Variants in ASTN2 observed in about 807,000 individuals in gnomAD.
ASTN2 encodes astrotactin-2.
A neutral mutation model predicts 139.8 loss-of-function variants in ASTN2; 54 were observed. That is an observed-to-expected ratio of 0.39 (90% confidence interval 0.31 to 0.48). The LOEUF (loss-of-function observed/expected upper bound fraction) is 0.48, where lower values mean the gene tolerates loss of function less well. Ranked by LOEUF, ASTN2 falls within the 20% of genes least tolerant of loss-of-function variation. The pLI is 0.95. For synonymous variants in ASTN2, 756 were observed against 719.5 expected, an observed-to-expected ratio of 1.05 and a Z score of -0.81; for missense variants, 1,565 against 1,725.1, an observed-to-expected ratio of 0.91 and a Z score of 1.64.
intron 2 of ASTN2, among the ~76,000 whole-genome samples, chr9:117,287,611 A>C (rs1834483048): frequency 1.3e-5 from 2 of 152,236 alleles, no homozygotes; most frequent in Non-Finnish European, 2.9e-5. Context: ...TGAGGATTGA[A>C]AGTGATAATA....
At chr9:116,604,148 T>A (rs1855062693) in intron 19 of ASTN2, among the ~76,000 whole-genome samples, 1 of 152,164 alleles carries the variant, frequency 6.6e-6, no homozygotes, top group Non-Finnish European at 1.5e-5. Flanking sequence ...GCCTGTCCTG[T>A]TACCATTCCA....
intron 19 of ASTN2, among the ~76,000 whole-genome samples, chr9:116,528,320 T>C (rs1047039534): frequency 3.4e-4 from 52 of 152,192 alleles, no homozygotes; most frequent in African/African-American, 1.2e-3. Context: ...CCTAGAGATC[T>C]GTGGAACTCT....
chr9:116,629,805 AC>A (rs1856654741), intron 17 of ASTN2, among the ~76,000 whole-genome samples: 1 of 151,744 alleles, frequency 6.6e-6, no homozygotes, highest in African/African-American at 2.4e-5. Flanking sequence ...AACCAGCCAA[AC>A]CCCCCTATTG....
chr9:117,009,124 T>C (rs1051758374), intron 6 of ASTN2, among the ~76,000 whole-genome samples: 1 of 152,160 alleles, frequency 6.6e-6, no homozygotes, highest in Non-Finnish European at 1.5e-5. Flanking sequence ...TCTTGCCACA[T>C]GGAACTAAAG....
intron 2 of ASTN2, among the ~76,000 whole-genome samples, chr9:117,238,728 A>C (rs1440313906): frequency 6.6e-6 from 1 of 152,170 alleles, no homozygotes; most frequent in Admixed American, 6.5e-5. Context: ...TTCTCAGTTT[A>C]ATCATCAGAG....
rs1349889686 is a variant in ASTN2, at chr9:116,648,147, G to A, written c.3072+3381C>T. Among the ~76,000 whole-genome samples, 5 of 151,946 alleles carry A rather than the reference G, an allele frequency of 3.3e-5. No individual in the cohort carries two copies. In the East Asian group the frequency reaches 9.7e-4, roughly 29 times the overall value. The stretch of plus-strand genomic sequence containing the variant: ...CTCCTGAGTAGCTGGGATTATAGGT[G>A]CATGCCACCACACCCAACTAAGTTT... On this transcript the variant is annotated intron_variant, in intron 17 of 22. Transcript: ENST00000313400.
intron 6 of ASTN2, among the ~76,000 whole-genome samples, chr9:117,014,261 C>A (rs12336896): frequency 6.6e-6 from 1 of 152,118 alleles, no homozygotes; most frequent in Non-Finnish European, 1.5e-5. Flanking sequence ...AGCCCCAAGT[C>A]AGGCTTTAAT....
At chr9:117,296,007 T>C (rs1964953) in intron 1 of ASTN2, among the ~76,000 whole-genome samples, 64,245 of 151,508 alleles carry the variant, frequency 0.42, 14,271 homozygotes, top group East Asian at 0.57. Flanking sequence ...GGGCCTGGCG[T>C]GGTGGCTCAC....
At chr9:117,034,926 T>A (rs1430217808) in intron 6 of ASTN2, among the ~76,000 whole-genome samples, 1 of 152,208 alleles carries the variant, frequency 6.6e-6, no homozygotes, top group Non-Finnish European at 1.5e-5. Flanking sequence ...GGACAAGTGC[T>A]ATGTCATAAT....
Position 116,880,735 on chromosome 9 carries a change from C to T in ASTN2, c.1890-17002G>A, listed in dbSNP as rs569269761. On this transcript the variant is annotated intron_variant, in intron 10 of 22. Transcript: ENST00000313400. ...CTTCTAGGGCAAAAGAAGTTTATTG[C>T]AGCCATCCATGGCTGCCATAGGTGC... is the stretch of plus-strand genomic sequence containing the variant. Among the ~76,000 whole-genome samples, 31 of 152,164 alleles carry T rather than the reference C, an allele frequency of 2.0e-4. No individual in the cohort carries two copies. The South Asian group carries it at 3.5e-3, about 17-fold the overall frequency.
intron 19 of ASTN2, among the ~76,000 whole-genome samples, chr9:116,550,246 G>A (rs1852282524): frequency 6.6e-6 from 1 of 152,204 alleles, no homozygotes; most frequent in African/African-American, 2.4e-5. Context: ...ACTGTGAACT[G>A]TGACAGATCT....
At chr9:117,378,161 T>G (rs1830173862) in intron 1 of ASTN2, among the ~76,000 whole-genome samples, 1 of 152,172 alleles carries the variant, frequency 6.6e-6, no homozygotes, top group African/African-American at 2.4e-5. Context: ...ACAAAAGGCT[T>G]GGCAGGTAGG....
At chr9:117,312,436 G>C (rs1416941) in intron 1 of ASTN2, among the ~76,000 whole-genome samples, 46,337 of 152,060 alleles carry the variant, frequency 0.3, 7,899 homozygotes, top group East Asian at 0.45. Flanking sequence ...CAACTGGCTA[G>C]AGTGTCAAGG....
chr9:116,902,417 G>A (rs1250134963), intron 10 of ASTN2, among the ~76,000 whole-genome samples: 2 of 152,182 alleles, frequency 1.3e-5, no homozygotes, highest in Non-Finnish European at 2.9e-5. Flanking sequence ...AAAGTGTAAA[G>A]TTTGAAAAAT....
chr9:116,850,544 T>A (rs1460148032), intron 11 of ASTN2, among the ~76,000 whole-genome samples: 2 of 152,094 alleles, frequency 1.3e-5, no homozygotes, highest in Admixed American at 1.3e-4. Flanking sequence ...ACATGTCACT[T>A]CCCTTTCTGA....
chr9:117,402,297 C>T (rs1351851874), intron 1 of ASTN2, among the ~76,000 whole-genome samples: 1 of 152,130 alleles, frequency 6.6e-6, no homozygotes, highest in Non-Finnish European at 1.5e-5. Context: ...AAACTCCTGA[C>T]CTAAAGTGAT....
chr9:117,016,676 ATATATAGGT>A (rs1837711726), intron 6 of ASTN2, among the ~76,000 whole-genome samples: 9 of 127,794 alleles, frequency 7.0e-5, no homozygotes, highest in African/African-American at 3.0e-4. Flanking sequence ...TATGTTACAT[ATATATAGGT>A]TATATATATA....
chr9:116,517,204 G>A (rs368785784), intron 19 of ASTN2, among the ~76,000 whole-genome samples: 7 of 152,160 alleles, frequency 4.6e-5, no homozygotes, highest in South Asian at 2.1e-4. Context: ...GGAAGCCAAC[G>A]AATACAAACC....
intron 19 of ASTN2, among the ~76,000 whole-genome samples, chr9:116,489,076 T>C (rs1849428486): frequency 6.6e-6 from 1 of 152,154 alleles, no homozygotes. Flanking sequence ...AGAGCTCTAT[T>C]CATGTACAGC....
Sources: gnomAD v4.1 joint callset for allele counts (sites outside exome capture counted in the v4.1 genomes callset) on GRCh38, gnomAD v4.1.1 for gene constraint, MANE v1.5 for transcripts, NCBI Gene and HGNC (gene_info 2026-07-23, HGNC 2026-07-21) for gene names.